PRKN: variants seen among roughly 807,000 people sequenced by gnomAD.
PRKN encodes the protein E3 ubiquitin-protein ligase parkin.
PRKN carries 56 observed loss-of-function variants against 59.5 expected under a neutral mutation model. The observed-to-expected ratio is 0.94, with a 90% CI of 0.76 to 1.18. The LOEUF is 1.18. Among genes scored for constraint, PRKN ranks in the 50% most tolerant of loss-of-function variants. The pLI is 0.00. For synonymous variants in PRKN, 250 were observed against 222.1 expected (o/e 1.13, Z -1.12); for missense variants, 657 against 596.4 (o/e 1.10, Z -1.06).
intron 2 of PRKN, among the ~76,000 whole-genome samples, chr6:162,414,710 C>G (rs67567168): frequency 0.51 from 49,598 of 98,014 alleles, 14,014 homozygotes; most frequent in African/African-American, 0.64. Context: ...GACTCCGTCT[C>G]AAAAAAAAAA....
intron 1 of PRKN, among the ~76,000 whole-genome samples, chr6:162,469,942 A>G (rs1019180122): frequency 6.6e-6 from 1 of 152,212 alleles, no homozygotes; most frequent in Non-Finnish European, 1.5e-5. Flanking sequence ...CTAACTGTCC[A>G]TAAGTATTCA....
intron 3 of PRKN, among the ~76,000 whole-genome samples, chr6:162,220,955 G>T (rs915245848): frequency 1.3e-5 from 2 of 152,178 alleles, no homozygotes; most frequent in African/African-American, 4.8e-5. Context: ...TATCCTGCAT[G>T]GCTTTGGCCA....
chr6:161,431,621 CT>C (rs893764621), intron 9 of PRKN, among the ~76,000 whole-genome samples: 17 of 148,732 alleles, frequency 1.1e-4, no homozygotes, highest in African/African-American at 3.7e-4. Context: ...TTTTCTTTTT[CT>C]TTTTTTTTGA....
rs557113147 is a variant in PRKN, at chr6:162,042,946, A to T, written c.618+11145T>A. Among the ~76,000 whole-genome samples, 289 of 152,328 alleles carry T rather than the reference A, an allele frequency of 1.9e-3. 2 individuals carry two copies. The highest frequency in any genetic ancestry group is 6.9e-3 in the African/African-American group (285 of 41,580). On this transcript the variant is annotated intron_variant, in intron 5 of 11. Transcript: ENST00000366898. ...TAGATAACTACATTAGTCCATTTGCATGCTGCTGAAAAAGACATACCCAAA... is the reference window on the plus strand; with the variant it reads ...TAGATAACTACATTAGTCCATTTGCTTGCTGCTGAAAAAGACATACCCAAA...
chr6:161,569,695 C>T (rs1210308982), intron 7 of PRKN, among the ~76,000 whole-genome samples: 2 of 152,192 alleles, frequency 1.3e-5, no homozygotes, highest in Non-Finnish European at 2.9e-5. Flanking sequence ...CTTAGGATGT[C>T]ATGCCACTCT....
intron 9 of PRKN, among the ~76,000 whole-genome samples, chr6:161,489,101 C>T (rs1777450756): frequency 6.6e-6 from 1 of 152,162 alleles, no homozygotes; most frequent in Non-Finnish European, 1.5e-5. Context: ...TTTTGGCATA[C>T]TGATTTCTAA....
rs771555178 is a variant in PRKN, at chr6:161,386,878, C to G, written c.1084-1G>C. On this transcript the variant is annotated splice_acceptor_variant, in intron 9 of 11. Transcript: ENST00000366898. LOFTEE classifies it high-confidence loss of function. This position sits in a 1 kb window ranked among gnomAD's most constrained non-coding sequence, Gnocchi z 4.3. ...CTTTACATTCCCGGCAGAAGGCAAA[C>G]TGCAAAAGAACACACATCCATTAAT... is the stretch of plus-strand genomic sequence containing the variant. 4 of 1,613,494 alleles carry G rather than the reference C, an allele frequency of 2.5e-6. No homozygotes were observed. The highest frequency in any genetic ancestry group is 3.4e-6 in the Non-Finnish European group (4 of 1,179,386).
intron 7 of PRKN, among the ~76,000 whole-genome samples, chr6:161,714,592 A>G (rs1786894518): frequency 6.6e-6 from 1 of 152,208 alleles, no homozygotes; most frequent in African/African-American, 2.4e-5. Context: ...TTGTAGCAGC[A>G]CAAACAGACT....
chr6:161,411,985 T>TTCATTTCTTCCTCAC (rs1787577363), intron 9 of PRKN, among the ~76,000 whole-genome samples: 1 of 53,974 alleles, frequency 1.9e-5, no homozygotes, highest in Non-Finnish European at 3.7e-5. Flanking sequence ...TCCTTCCTCA[T>TTCATTTCTTCCTCAC]TCATTCCTTC....
chr6:161,787,847 G>T (rs1790484364), intron 6 of PRKN, among the ~76,000 whole-genome samples: 1 of 152,222 alleles, frequency 6.6e-6, no homozygotes, highest in African/African-American at 2.4e-5. Flanking sequence ...TCAGGAGGCT[G>T]AGGCAGGTGA....
At chr6:162,598,853 C>CAAAAA (rs35219327) in intron 1 of PRKN, among the ~76,000 whole-genome samples, 1 of 106,896 alleles carries the variant, frequency 9.4e-6, no homozygotes, top group East Asian at 2.8e-4. Context: ...ATTCTGTCAC[C>CAAAAA]AAAAAAAAAA....
chr6:161,481,917 GA>G (rs1454431149), intron 9 of PRKN, among the ~76,000 whole-genome samples: 3 of 149,800 alleles, frequency 2.0e-5, no homozygotes, highest in South Asian at 2.1e-4. Context: ...GGAAGGGAGG[GA>G]GGGGGGAAGC....
intron 7 of PRKN, among the ~76,000 whole-genome samples, chr6:161,573,767 T>A (rs1275573072): frequency 1.8e-5 from 1 of 56,926 alleles, no homozygotes; most frequent in African/African-American, 1.3e-4. Context: ...TATATATATA[T>A]ATATATATAT....
intron 7 of PRKN, among the ~76,000 whole-genome samples, chr6:161,603,055 A>T (rs1782161361): frequency 6.6e-6 from 1 of 152,240 alleles, no homozygotes; most frequent in African/African-American, 2.4e-5. Context: ...AGACTGAATC[A>T]TCCTTAGTTT....
At chr6:161,919,673 G>A (rs999932044) in intron 6 of PRKN, among the ~76,000 whole-genome samples, 8 of 152,138 alleles carry the variant, frequency 5.3e-5, no homozygotes, top group African/African-American at 1.7e-4. Flanking sequence ...CAATTTAAAG[G>A]GGCAGCTGGA....
At chr6:162,417,180 A>C (rs1054016758) in intron 2 of PRKN, among the ~76,000 whole-genome samples, 3 of 152,228 alleles carry the variant, frequency 2.0e-5, no homozygotes, top group Admixed American at 6.5e-5. Context: ...ATGTGGCCAT[A>C]GTTGTGATAC....
At chr6:161,776,948 T>C (rs1789950444) in intron 7 of PRKN, among the ~76,000 whole-genome samples, 2 of 152,218 alleles carry the variant, frequency 1.3e-5, no homozygotes, top group African/African-American at 4.8e-5. Context: ...GAAATGTTCT[T>C]TTCTTGACCT....
At chr6:161,424,285 C>T (rs548360802) in intron 9 of PRKN, among the ~76,000 whole-genome samples, 48 of 146,864 alleles carry the variant, frequency 3.3e-4, no homozygotes, top group Non-Finnish European at 5.2e-4. Flanking sequence ...TGCAGTGAGC[C>T]GAGATCATAC....
At chr6:162,017,952 G>A (rs1456729362) in intron 5 of PRKN, among the ~76,000 whole-genome samples, 1 of 152,148 alleles carries the variant, frequency 6.6e-6, no homozygotes, top group African/African-American at 2.4e-5. Context: ...GGCTGTCTAT[G>A]TGCAATGAGC....
Sources: gnomAD v4.1 joint callset for allele counts (sites outside exome capture counted in the v4.1 genomes callset) on GRCh38, gnomAD v4.1.1 for gene constraint, Gnocchi (gnomAD v3.1) non-coding constraint, MANE v1.5 for transcripts, NCBI Gene and HGNC (gene_info 2026-07-23, HGNC 2026-07-21) for gene names.